PTK2B: variants seen among roughly 807,000 people sequenced by gnomAD.
PTK2B encodes the protein protein-tyrosine kinase 2-beta.
In PTK2B, 71 loss-of-function variants were observed where a neutral mutation model predicts 142.9. The ratio of observed to expected loss-of-function variants is 0.50; its 90% confidence interval spans 0.41 to 0.61. The LOEUF is 0.61. Ranked by LOEUF, PTK2B falls within the 20% of genes least tolerant of loss-of-function variation. PTK2B has a pLI of 0.00. For synonymous variants in PTK2B, 519 were observed against 503.4 expected (o/e 1.03, Z -0.42); for missense variants, 1,105 against 1,320.4 (o/e 0.84, Z 2.53).
chr8:27,329,942 A>G (rs1803642317), intron 1 of PTK2B, among the ~76,000 whole-genome samples: 1 of 152,148 alleles, frequency 6.6e-6, no homozygotes, highest in African/African-American at 2.4e-5. Flanking sequence ...TATTCAAAAT[A>G]CAGCTACTAA....
At chr8:27,432,219 G>A (rs1334165457) in intron 9 of PTK2B, 41 bp from the exon 10 acceptor site, 6 of 1,588,110 alleles carry the variant, frequency 3.8e-6, no homozygotes, top group East Asian at 4.5e-5. Context: ...GCCTAGTCCT[G>A]GTAGTGGGAT....
intron 1 of PTK2B, among the ~76,000 whole-genome samples, chr8:27,340,048 T>G (rs576728088): frequency 2.0e-5 from 3 of 152,364 alleles, no homozygotes; most frequent in African/African-American, 7.2e-5. Context: ...ATGTTTCCTA[T>G]TTTTGAGAAT....
At chr8:27,311,298 G>C (rs1412721533), upstream of PTK2B, 24 of 1,440,728 alleles carry the variant, frequency 1.7e-5, no homozygotes, top group Middle Eastern at 2.6e-4. Flanking sequence ...CCGCCCGGCT[G>C]CCAACGCCCG....
intron 1 of PTK2B, among the ~76,000 whole-genome samples, chr8:27,353,189 C>T (rs1187148063): frequency 2.0e-5 from 3 of 152,084 alleles, no homozygotes; most frequent in Non-Finnish European, 4.4e-5. Flanking sequence ...ACAGAAGAGA[C>T]CCAGAAGATT....
At chr8:27,328,621 G>A (rs970471523) in intron 1 of PTK2B, among the ~76,000 whole-genome samples, 2 of 152,168 alleles carry the variant, frequency 1.3e-5, no homozygotes, top group Admixed American at 6.5e-5. Flanking sequence ...GATGGATAGA[G>A]GTGTTCCACT....
At chr8:27,353,353 C>T (rs1247869017) in intron 1 of PTK2B, among the ~76,000 whole-genome samples, 3 of 152,146 alleles carry the variant, frequency 2.0e-5, no homozygotes, top group Non-Finnish European at 2.9e-5. Flanking sequence ...CACTCCTTGT[C>T]CAAGAAAGTG....
At position 27,416,394 on chromosome 8, in the gene PTK2B, CAAAGA is replaced by C. The variant is rs1441857107; in HGVS notation, c.205-3496_205-3492del. ...ACCTAGATGGCCAAATGATTTTTGA[CAAAGA>C]AAAGCAATTCATTTGGGAAGGGAAA... On this transcript the variant is annotated intron_variant, in intron 2 of 30. Coordinates refer to ENST00000346049, the MANE Select transcript of PTK2B (RefSeq NM_173176.3). Among the ~76,000 whole-genome samples the C allele has an allele frequency of 3.9e-5, 6 of 151,968 alleles. No homozygotes were observed. In the East Asian group the frequency reaches 1.2e-3, roughly 29 times the overall value.
At chr8:27,392,862 A>ATCAAACCTATAT (rs1807810722) in intron 1 of PTK2B, among the ~76,000 whole-genome samples, 3 of 152,172 alleles carry the variant, frequency 2.0e-5, no homozygotes, top group Admixed American at 2.0e-4. Context: ...GAGGCTTTTG[A>ATCAAACCTATAT]TCAAACCTAT....
chr8:27,351,028 TATATATATATATAC>T (rs1805056372), intron 1 of PTK2B, among the ~76,000 whole-genome samples: 2 of 83,846 alleles, frequency 2.4e-5, no homozygotes, highest in East Asian at 3.3e-4. Flanking sequence ...TATATATATA[TATATATATATATAC>T]GTGCTTGGAG....
chr8:27,379,390 G>A (rs892289041), intron 1 of PTK2B, among the ~76,000 whole-genome samples: 1 of 152,076 alleles, frequency 6.6e-6, no homozygotes, highest in African/African-American at 2.4e-5. Context: ...CCATGCCGGG[G>A]TCTTTTTAAA....
chr8:27,367,543 G>T (rs1350041253), intron 1 of PTK2B, among the ~76,000 whole-genome samples: 20 of 152,336 alleles, frequency 1.3e-4, no homozygotes, highest in Non-Finnish European at 1.5e-5. Flanking sequence ...ATGCAGTGGG[G>T]CCTTGATGGG....
chr8:27,422,735 C>A (rs1328838059), intron 5 of PTK2B, among the ~76,000 whole-genome samples: 1 of 152,172 alleles, frequency 6.6e-6, no homozygotes, highest in Admixed American at 6.5e-5. Flanking sequence ...GACATTCGAG[C>A]CTAGAGATGT....
At chr8:27,317,766 C>T (rs912488930) in intron 3 of PTK2B, among the ~76,000 whole-genome samples, 3 of 152,302 alleles carry the variant, frequency 2.0e-5, no homozygotes, top group South Asian at 2.1e-4. Flanking sequence ...ATTCCCTGCT[C>T]GGCCCCTGTA....
intron 3 of PTK2B, among the ~76,000 whole-genome samples, chr8:27,316,870 C>A (rs1803106554): frequency 6.6e-6 from 1 of 152,188 alleles, no homozygotes; most frequent in African/African-American, 2.4e-5. Context: ...TTGACCTATA[C>A]TTTTTTCTGT....
rs17057077 is a variant in PTK2B, at chr8:27,390,069, T to C, written c.-37-7479T>C. 8.7e-3 allele frequency among the ~76,000 whole-genome samples: 1,318 copies of C among 152,242 alleles called. 17 individuals carry two copies. The highest frequency in any genetic ancestry group is 0.031 in the African/African-American group (1,277 of 41,542). On this transcript the variant is annotated intron_variant, in intron 1 of 30. Coordinates refer to ENST00000346049, the MANE Select transcript of PTK2B (RefSeq NM_173176.3). ...GAAATAAAGTGTGTGTCTCGTGACATTGTGACTTCTGCTAGATCCAAAGGG... is the reference window on the plus strand; with the variant it reads ...GAAATAAAGTGTGTGTCTCGTGACACTGTGACTTCTGCTAGATCCAAAGGG...
At position 27,433,504 on chromosome 8, in the gene PTK2B, C is replaced by G; in HGVS notation, c.1057C>G (p.Arg353Gly). 6.2e-7 allele frequency: 1 copy of G among 1,614,220 alleles called. No homozygotes were observed. The highest frequency in any genetic ancestry group is 8.5e-7 in the Non-Finnish European group (1 of 1,180,018). ...GGCTGACCTCATAGACGGCTACTGC[C>G]GGCTGCAGGGTGAGCACCAAGGCTC... ...NMADLIDGYC[R>G]LQGEHQGSLI... Residue 353 changes from arginine (R) to glycine (G), a missense_variant, in exon 11 of 31, where the codon CGG becomes GGG. By Grantham distance (125) the Arg-to-Gly change is moderately radical (BLOSUM62 -2). Coordinates refer to ENST00000346049, the MANE Select transcript of PTK2B (RefSeq NM_173176.3).
intron 1 of PTK2B, among the ~76,000 whole-genome samples, chr8:27,371,158 C>T (rs115203425): frequency 0.02 from 3,018 of 152,252 alleles, 106 homozygotes; most frequent in African/African-American, 0.068. Flanking sequence ...GCCTCCCAAA[C>T]GCTGGGATTA....
At chr8:27,382,499 T>C (rs1485140460) in intron 1 of PTK2B, among the ~76,000 whole-genome samples, 2 of 152,096 alleles carry the variant, frequency 1.3e-5, no homozygotes, top group Non-Finnish European at 2.9e-5. Context: ...GACAGGAGGA[T>C]TGCTTGAAGC....
upstream of PTK2B, among the ~76,000 whole-genome samples, chr8:27,324,890 C>T (rs2130716444): frequency 6.6e-6 from 1 of 152,322 alleles, no homozygotes; most frequent in East Asian, 1.9e-4. Flanking sequence ...GCTCACATAT[C>T]ACCGGCCTGA....
Sources: gnomAD v4.1 joint callset for allele counts (sites outside exome capture counted in the v4.1 genomes callset) on GRCh38, gnomAD v4.1.1 for gene constraint, MANE v1.5 for transcripts, NCBI Gene and HGNC (gene_info 2026-07-23, HGNC 2026-07-21) for gene names.